Variants in CEP70 observed in about 807,000 individuals in gnomAD.
CEP70 encodes the protein centrosomal protein of 70 kDa.
CEP70 carries 70 observed loss-of-function variants against 90.9 expected under a neutral mutation model. The observed-to-expected ratio is 0.77, with a 90% confidence interval of 0.64 to 0.94. The LOEUF is 0.94. CEP70 is among the 40% of genes least tolerant of loss of function. The pLI, the probability that CEP70 is intolerant of heterozygous loss-of-function variation, is 0.00. For missense variants in CEP70, 648 were observed against 669.0 expected (o/e 0.97, Z 0.35); for synonymous variants, 220 against 228.3 (o/e 0.96, Z 0.33).
In CEP70 at chr3:138,498,040, C is replaced by T. The variant is rs200106960; in HGVS notation, c.1723G>A (p.Glu575Lys). The change falls in exon 17 of 18, where the codon GAA (glutamate) becomes AAA (lysine). Residue 575 changes from glutamate (E) to lysine (K), a missense_variant. Coordinates refer to ENST00000264982, the MANE Select transcript of CEP70 (RefSeq NM_024491.4). ...AFQAFTNDLL[E>K]ILEIDDLDAI... ...CCACCAGAGATCTTACCTAAGATTT[C>T]AAGTAGATCATTAGTAAATGCCTGA... 3 of 1,612,904 alleles carry T rather than the reference C, an allele frequency of 1.9e-6. No homozygotes were observed. Among genetic ancestry groups the T allele is most frequent in the Non-Finnish European group, 2.5e-6 (3 of 1,179,534 alleles).
chr3:138,523,087 T>C (rs995759177), intron 11 of CEP70, among the ~76,000 whole-genome samples: 6 of 152,178 alleles, frequency 3.9e-5, no homozygotes, highest in Non-Finnish European at 7.3e-5. Flanking sequence ...AATCAATAAA[T>C]GTAATCCGGC....
chr3:138,495,153 T>A, intron 17 of CEP70, 77 bp from the exon 18 acceptor site: 1 of 838,346 alleles, frequency 1.2e-6, no homozygotes, highest in Non-Finnish European at 1.9e-6. Flanking sequence ...AGAACCTATA[T>A]GCAAAGGCAA....
chr3:138,565,564 A>G (rs2040722626), intron 6 of CEP70, among the ~76,000 whole-genome samples: 1 of 152,194 alleles, frequency 6.6e-6, no homozygotes, highest in African/African-American at 2.4e-5. Flanking sequence ...TCTTTGACAA[A>G]CCTGACAAAA....
chr3:138,560,897 C>T (rs2040360516), intron 6 of CEP70, among the ~76,000 whole-genome samples: 1 of 152,188 alleles, frequency 6.6e-6, no homozygotes, highest in Non-Finnish European at 1.5e-5. Flanking sequence ...AAACCCCCAT[C>T]TCCCTGGGAC....
At chr3:138,541,332 T>A (rs2038744426) in intron 6 of CEP70, among the ~76,000 whole-genome samples, 1 of 151,732 alleles carries the variant, frequency 6.6e-6, no homozygotes, top group Non-Finnish European at 1.5e-5. Flanking sequence ...CTGATTTATC[T>A]GGCAATAGAA....
chr3:138,559,733 AAAAC>A (rs1056431810), intron 6 of CEP70, among the ~76,000 whole-genome samples: 1 of 152,200 alleles, frequency 6.6e-6, no homozygotes, highest in East Asian at 1.9e-4. Context: ...CCAAAAACAA[AAAAC>A]AAACAAACAA....
intron 6 of CEP70, among the ~76,000 whole-genome samples, chr3:138,546,593 A>G (rs111845694): frequency 4.5e-4 from 68 of 152,240 alleles, no homozygotes; most frequent in African/African-American, 1.6e-3. Context: ...TACTGAAAAT[A>G]CAAAACTTAG....
chr3:138,523,140 T>C (rs1178586231), intron 11 of CEP70, among the ~76,000 whole-genome samples: 1 of 151,536 alleles, frequency 6.6e-6, no homozygotes, highest in African/African-American at 2.4e-5. Context: ...ATTATCTCAA[T>C]AGATGCAGAA....
chr3:138,582,072 A>G (rs969270567), intron 2 of CEP70, among the ~76,000 whole-genome samples: 4 of 152,262 alleles, frequency 2.6e-5, no homozygotes, highest in Non-Finnish European at 4.4e-5. Context: ...AATTTCATCA[A>G]CACCAGACCT....
rs2035965923 is a variant in CEP70 at position 138,515,855 on chromosome 3, T to C, written c.945-7311A>G. On this transcript the variant is annotated intron_variant, in intron 11 of 17. Coordinates refer to ENST00000264982, the MANE Select transcript of CEP70 (RefSeq NM_024491.4). ...TTACTTCCCTACATCCTCCTTCTCC[T>C]AGTTGCTTCTCTCTCAATCTCCTAT... Among the ~76,000 whole-genome samples the C allele has an allele frequency of 3.3e-5, 5 of 152,214 alleles. No homozygotes were observed. In the South Asian group the frequency reaches 1.0e-3, roughly 32 times the overall value.
At chr3:138,548,987 G>C (rs1283411721) in intron 6 of CEP70, among the ~76,000 whole-genome samples, 1 of 152,146 alleles carries the variant, frequency 6.6e-6, no homozygotes, top group Non-Finnish European at 1.5e-5. Flanking sequence ...ACTTTACCTG[G>C]AGCTGAGTCA....
Position 138,569,530 on chromosome 3 carries a change from A to C in CEP70, c.465+788T>G, listed in dbSNP as rs150141401. On this transcript the variant is annotated intron_variant, in intron 6 of 17. Coordinates refer to ENST00000264982, the MANE Select transcript of CEP70 (RefSeq NM_024491.4). ...AGGGAGTTAATTATTTAATGTTATA[A>C]AATTGCCATTTCTATAAAAAGAACT... is the stretch of plus-strand genomic sequence containing the variant. 4.3e-3 allele frequency among the ~76,000 whole-genome samples: 660 copies of C among 152,270 alleles called. 6 individuals are homozygous for C. The highest frequency in any genetic ancestry group is 0.041 in the Middle Eastern group (12 of 294).
chr3:138,590,161 T>A (rs571427349), intron 2 of CEP70, among the ~76,000 whole-genome samples: 16 of 152,232 alleles, frequency 1.1e-4, no homozygotes, highest in African/African-American at 3.9e-4. Flanking sequence ...ATCATATTGA[T>A]GGTGATTTCA....
At chr3:138,586,193 T>C (rs1411935146) in intron 2 of CEP70, among the ~76,000 whole-genome samples, 1 of 152,182 alleles carries the variant, frequency 6.6e-6, no homozygotes, top group East Asian at 1.9e-4. Context: ...AGTCTCACTC[T>C]GTCGCCCAGG....
intron 6 of CEP70, among the ~76,000 whole-genome samples, chr3:138,549,625 C>T (rs1478159865): frequency 2.6e-5 from 4 of 152,126 alleles, no homozygotes; most frequent in Admixed American, 2.6e-4. Context: ...CCTTCTCTAT[C>T]TGCTCTGGTA....
intron 2 of CEP70, among the ~76,000 whole-genome samples, chr3:138,583,632 T>C (rs779846721): frequency 2.6e-5 from 4 of 152,060 alleles, no homozygotes; most frequent in Non-Finnish European, 4.4e-5. Flanking sequence ...GGAATAAAAC[T>C]AGAAATCAGT....
chr3:138,525,550 TCA>T lies in CEP70; in HGVS notation c.882_883del (p.His294GlnfsTer6). The T allele has an allele frequency of 7.1e-7, 1 of 1,408,218 alleles. No individual in the cohort carries two copies. Among genetic ancestry groups the T allele is most frequent in the African/African-American group, 1.5e-5 (1 of 68,128 alleles). The allele number at this position is 1,408,218 out of a possible 1,614,324, so 87.2% of individuals were successfully genotyped here. ...CACCTGCTGTTTATAAAGTCTTAAT[TCA>T]TGCTGCGTAGGCCTGTGGAAAATAA... is the stretch of plus-strand genomic sequence containing the variant. On this transcript the variant is annotated frameshift_variant, in exon 11 of 18. Transcript: ENST00000264982. LOFTEE classifies it high-confidence loss of function.
At chr3:138,529,102 G>A in intron 10 of CEP70, 97 bp downstream of exon 10, 1 of 675,952 alleles carries the variant, frequency 1.5e-6, no homozygotes, top group South Asian at 2.0e-5. Context: ...GGAGGTCAAG[G>A]CTGCGGTGAG....
chr3:138,514,004 G>A (rs535779279), intron 11 of CEP70, among the ~76,000 whole-genome samples: 67 of 150,580 alleles, frequency 4.4e-4, no homozygotes, highest in African/African-American at 1.6e-3. Flanking sequence ...AAGGAAAAGA[G>A]ACTATACCCT....
Sources: allele counts gnomAD v4.1 joint callset (sites outside exome capture counted in the v4.1 genomes callset), GRCh38; gene constraint gnomAD v4.1.1; transcripts MANE v1.5; gene names NCBI Gene and HGNC (gene_info 2026-07-23, HGNC 2026-07-21).